Variants in FIG4 observed in about 807,000 individuals in gnomAD.
FIG4 encodes polyphosphoinositide phosphatase.
A neutral mutation model predicts 118.6 loss-of-function variants in FIG4; 112 were observed. The ratio of observed to expected loss-of-function variants is 0.94; its 90% CI spans 0.81 to 1.11. The LOEUF (loss-of-function observed/expected upper bound fraction) is 1.11. FIG4 is among the 50% of genes least tolerant of loss of function. The probability of loss-of-function intolerance (pLI) is 0.00; values close to 1 mark genes in which losing one functional copy is unlikely to be tolerated. For synonymous variants in FIG4, 369 were observed against 381.2 expected (o/e 0.97, Z 0.37); for missense variants, 969 against 1,111.7 (o/e 0.87, Z 1.83).
At chr6:109,694,404 G>C (rs1462563065) in intron 1 of FIG4, among the ~76,000 whole-genome samples, 1 of 152,152 alleles carries the variant, frequency 6.6e-6, no homozygotes, top group Non-Finnish European at 1.5e-5. Context: ...ATGAAATAAG[G>C]CCCTTCTCTC....
intron 16 of FIG4, among the ~76,000 whole-genome samples, chr6:109,781,344 CTGT>C (rs1284458822): frequency 6.6e-6 from 1 of 152,230 alleles, no homozygotes; most frequent in Non-Finnish European, 1.5e-5. Flanking sequence ...GTTTCTTCAG[CTGT>C]TCCTCATATG....
rs988908491 is a variant in FIG4, at chr6:109,715,165, A to G, written c.154A>G (p.Ile52Val). The G allele has an allele frequency of 6.3e-7, 1 of 1,589,124 alleles. No individual in the cohort carries two copies. Among genetic ancestry groups the G allele is most frequent in the Non-Finnish European group, 8.6e-7 (1 of 1,157,976 alleles). The change falls in exon 2 of 23, where the codon ATT (isoleucine) becomes GTT (valine). Residue 52 changes from isoleucine (I) to valine (V), a missense_variant. This residue lies in a region of FIG4 where 393 missense variants were observed against 409.4 expected (regional missense o/e 0.96). Coordinates refer to ENST00000230124, the MANE Select transcript of FIG4 (RefSeq NM_014845.6). ...AACAGAACCAAAAGATTTGGTCATA[A>G]TTGATGACAGGGTAAGTATCCTCCA... ...DRTEPKDLVI[I>V]DDRHVYTQQE...
intron 10 of FIG4, among the ~76,000 whole-genome samples, chr6:109,759,447 C>G (rs1182309191): frequency 6.6e-6 from 1 of 152,144 alleles, no homozygotes; most frequent in Admixed American, 6.5e-5. Context: ...TCACCATGCT[C>G]TGTCTCATTT....
chr6:109,706,591 G>A (rs375931421), intron 1 of FIG4, among the ~76,000 whole-genome samples: 5 of 152,138 alleles, frequency 3.3e-5, no homozygotes, highest in Admixed American at 6.6e-5. Context: ...TTCCTCTGGC[G>A]TTTGTCTTTT....
chr6:109,788,652 T>A (rs939683655), intron 18 of FIG4, among the ~76,000 whole-genome samples: 1 of 152,210 alleles, frequency 6.6e-6, no homozygotes, highest in African/African-American at 2.4e-5. Context: ...ACATGGAATG[T>A]GCAAATGAAA....
intron 3 of FIG4, among the ~76,000 whole-genome samples, chr6:109,723,790 G>C (rs1250614956): frequency 1.3e-5 from 2 of 152,180 alleles, no homozygotes; most frequent in African/African-American, 4.8e-5. Context: ...AAAGCCCAGA[G>C]CTGTCAGCAG....
intron 1 of FIG4, among the ~76,000 whole-genome samples, chr6:109,698,210 A>G (rs1050142300): frequency 6.8e-6 from 1 of 146,230 alleles, no homozygotes; most frequent in Non-Finnish European, 1.5e-5. Context: ...TTATTTTTTT[A>G]TTTTTTAGTG....
intron 22 of FIG4, among the ~76,000 whole-genome samples, chr6:109,824,082 G>A (rs926718660): frequency 6.6e-6 from 1 of 152,144 alleles, no homozygotes; most frequent in Non-Finnish European, 1.5e-5. Context: ...TGTCAGACAC[G>A]GAGCTGCATT....
chr6:109,719,784 C>G (rs895708064), intron 3 of FIG4, among the ~76,000 whole-genome samples: 1 of 152,034 alleles, frequency 6.6e-6, no homozygotes, highest in African/African-American at 2.4e-5. Context: ...GACTGCTGGA[C>G]TCTTTTGTTT....
rs191368418 is a variant in FIG4, at chr6:109,753,145, T to G, written c.1138-7105T>G. On this transcript the variant is annotated intron_variant, in intron 10 of 22. Transcript: ENST00000230124. ...GTCAGATTTGTCAAAGATCAGATAG[T>G]TGTAGATATGCGGTGTTATTTCTCC... Among the ~76,000 whole-genome samples, 69 of 152,314 alleles carry G rather than the reference T, an allele frequency of 4.5e-4. No homozygotes were observed. The Middle Eastern group carries it at 0.024, about 53-fold the overall frequency.
At chr6:109,749,143 G>A (rs1254451254) in intron 10 of FIG4, among the ~76,000 whole-genome samples, 1 of 149,970 alleles carries the variant, frequency 6.7e-6, no homozygotes, top group Non-Finnish European at 1.5e-5. Context: ...CCCCAAACTG[G>A]CAGTTGGGGG....
chr6:109,824,129 G>A (rs1451836843), intron 22 of FIG4, among the ~76,000 whole-genome samples: 2 of 152,198 alleles, frequency 1.3e-5, no homozygotes, highest in Admixed American at 6.5e-5. Context: ...CCTTCCCCAC[G>A]GGGTGCATGG....
intron 22 of FIG4, among the ~76,000 whole-genome samples, chr6:109,822,801 A>G (rs796698606): frequency 1.2e-3 from 69 of 58,062 alleles, no homozygotes; most frequent in Admixed American, 2.6e-3. Flanking sequence ...ATATATATAT[A>G]TATATATATA....
intron 22 of FIG4, among the ~76,000 whole-genome samples, chr6:109,820,721 T>A (rs1447765552): frequency 1.3e-5 from 2 of 152,170 alleles, no homozygotes; most frequent in African/African-American, 4.8e-5. Context: ...AGCATCATTT[T>A]AAAATCTCTC....
At chr6:109,749,773 T>C (rs769874595) in intron 10 of FIG4, among the ~76,000 whole-genome samples, 1 of 152,146 alleles carries the variant, frequency 6.6e-6, no homozygotes, top group Non-Finnish European at 1.5e-5. Context: ...CTTTGCCAGG[T>C]ATCTCACATG....
chr6:109,727,304 A>C, intron 4 of FIG4, 39 bp downstream of exon 4: 1 of 1,525,932 alleles, frequency 6.6e-7, no homozygotes, highest in Non-Finnish European at 9.1e-7. Context: ...TTTTGGAGAC[A>C]AGGTCTTGCC....
At chr6:109,733,088 G>A (rs979636172) in intron 5 of FIG4, among the ~76,000 whole-genome samples, 2 of 152,086 alleles carry the variant, frequency 1.3e-5, no homozygotes, top group Non-Finnish European at 1.5e-5. Context: ...AGGAAGAACT[G>A]TTGCAATACT....
rs571649446 is a variant in FIG4, at chr6:109,795,095, G to GTTTTTTTT, written c.2460-1637_2460-1630dup. ...TCCTCAAAGCTTCATACACTTGCCA[G>GTTTTTTTT]TTTTTTTTTTTTTTTTTTTTTTTTT... On this transcript the variant is annotated intron_variant, in intron 21 of 22. Coordinates refer to ENST00000230124, the MANE Select transcript of FIG4 (RefSeq NM_014845.6). 3.6e-3 allele frequency among the ~76,000 whole-genome samples: 207 copies of GTTTTTTTT among 57,248 alleles called. 75 individuals are homozygous for GTTTTTTTT. The highest frequency in any genetic ancestry group is 5.9e-3 in the Non-Finnish European group (170 of 28,706). The allele number at this position is 57,248 out of a possible 152,430, so 37.6% of individuals were successfully genotyped here.
At chr6:109,813,061 C>G (rs1201976130) in intron 22 of FIG4, among the ~76,000 whole-genome samples, 1 of 152,110 alleles carries the variant, frequency 6.6e-6, no homozygotes, top group Non-Finnish European at 1.5e-5. Context: ...CACTTTTTAC[C>G]TATAAAAGTA....
Sources: gnomAD v4.1 joint callset for allele counts (sites outside exome capture counted in the v4.1 genomes callset) on GRCh38, gnomAD v4.1.1 for gene constraint, gnomAD v4.1.1 regional missense constraint, MANE v1.5 for transcripts, NCBI Gene and HGNC (gene_info 2026-07-23, HGNC 2026-07-21) for gene names.